AGAP1: variants seen among roughly 807,000 people sequenced by gnomAD.
AGAP1 encodes the protein ArfGAP with GTPase domain, ankyrin repeat and PH domain 1, also known as arf-GAP with GTPase, ANK repeat and PH domain-containing protein 1.
Under a neutral mutation model 105.3 loss-of-function variants are expected in AGAP1, and 29 were observed. The observed-to-expected ratio is 0.28, with a 90% CI of 0.21 to 0.38. AGAP1 has a LOEUF of 0.38. Among genes scored for constraint, AGAP1 ranks in the 10% least tolerant of loss-of-function variants. AGAP1 has a pLI of 1.00. For missense variants in AGAP1, 998 were observed against 1,165.1 expected (o/e 0.86, Z 2.09); for synonymous variants, 509 against 485.9 (o/e 1.05, Z -0.63).
At chr2:236,094,923 C>CAAAA (rs59126473) in intron 16 of AGAP1, among the ~76,000 whole-genome samples, 5 of 37,738 alleles carry the variant, frequency 1.3e-4, no homozygotes, top group African/African-American at 2.2e-4. Context: ...CCCATCTCTA[C>CAAAA]AAAAAAAAAA....
chr2:235,514,779 C>G (rs1942310609), intron 1 of AGAP1, among the ~76,000 whole-genome samples: 1 of 152,228 alleles, frequency 6.6e-6, no homozygotes, highest in Non-Finnish European at 1.5e-5. Context: ...GTGTCTCATC[C>G]AGGACTGGAC....
chr2:236,103,117 G>T (rs947553149), intron 16 of AGAP1, among the ~76,000 whole-genome samples: 1 of 151,192 alleles, frequency 6.6e-6, no homozygotes, highest in Non-Finnish European at 1.5e-5. Flanking sequence ...CCTGCACAGC[G>T]CCTCCTCCCT....
intron 3 of AGAP1, among the ~76,000 whole-genome samples, chr2:235,722,365 G>A (rs2675123): frequency 0.18 from 27,615 of 152,178 alleles, 3,347 homozygotes; most frequent in East Asian, 0.36. Context: ...TAATTAGTGC[G>A]TGAATATACT....
intron 1 of AGAP1, among the ~76,000 whole-genome samples, chr2:235,686,556 T>TATACACACACAC (rs550721460): frequency 1.8e-4 from 18 of 101,826 alleles, no homozygotes; most frequent in African/African-American, 7.4e-4. Flanking sequence ...GATATATATA[T>TATACACACACAC]ACACACACAC....
chr2:235,818,359 C>T (rs898864374), intron 9 of AGAP1, among the ~76,000 whole-genome samples: 3 of 152,178 alleles, frequency 2.0e-5, no homozygotes, highest in African/African-American at 2.4e-5. Context: ...TCCAGGAGTC[C>T]TCTCTGAAAC....
In AGAP1 at chr2:235,968,526, C is replaced by A. The variant is rs377419675; in HGVS notation, c.1548C>A (p.Leu516=). The part of the protein sequence containing the change: ...PSISSTTSPK[L]DPPPSPHANR... Reference sequence around the variant, plus strand: ...TCTCCAGCACCACCAGCCCCAAGCTCGACCCGCCCCCCTCCCCTCACGCCA... The same window carrying A: ...TCTCCAGCACCACCAGCCCCAAGCTAGACCCGCCCCCCTCCCCTCACGCCA... The change falls in exon 13 of 18, where the codon CTC becomes CTA. Residue 516 remains leucine (L), a synonymous_variant. Coordinates refer to ENST00000304032, the MANE Select transcript of AGAP1 (RefSeq NM_001037131.3). The A allele has an allele frequency of 2.9e-5, 45 of 1,544,966 alleles. No homozygotes were observed. The East Asian group carries it at 9.1e-4, about 31-fold the overall frequency.
chr2:235,819,882 C>CT (rs140417052), intron 9 of AGAP1, among the ~76,000 whole-genome samples: 2,524 of 140,568 alleles, frequency 0.018, 79 homozygotes, highest in African/African-American at 0.063. Context: ...TGTAAAATGG[C>CT]TTTTTTTTTT....
At position 235,830,595 on chromosome 2, in the gene AGAP1, C is replaced by T. The variant is rs1034646542; in HGVS notation, c.1050+23264C>T. 6.9e-6 allele frequency among the ~76,000 whole-genome samples: 1 copy of T among 144,518 alleles called. No individual in the cohort carries two copies. Among genetic ancestry groups the T allele is most frequent in the Admixed American group, 7.0e-5 (1 of 14,204 alleles). 94.8% of individuals were successfully genotyped at this position (144,518 alleles called of 152,430 possible). Reference sequence around the variant, plus strand: ...CACTCTTTGTGAGATACTTTGGGGGCTCAGGGGGCTTGGAGTTTATTTGTT... The same window carrying T: ...CACTCTTTGTGAGATACTTTGGGGGTTCAGGGGGCTTGGAGTTTATTTGTT... On this transcript the variant is annotated intron_variant, in intron 9 of 17. Coordinates refer to ENST00000304032, the MANE Select transcript of AGAP1 (RefSeq NM_001037131.3). The surrounding 1 kb of genome is among the most constrained non-coding windows in gnomAD (Gnocchi z 5.5).
chr2:235,678,968 C>T (rs1029059246), intron 1 of AGAP1, among the ~76,000 whole-genome samples: 8 of 152,200 alleles, frequency 5.3e-5, no homozygotes, highest in African/African-American at 1.9e-4. Context: ...GGTGGCTGGG[C>T]ATGATCTTAA....
intron 1 of AGAP1, among the ~76,000 whole-genome samples, chr2:235,657,601 C>T (rs1221141472): frequency 1.3e-5 from 2 of 152,100 alleles, no homozygotes; most frequent in Admixed American, 6.5e-5. Context: ...AGGCTGGTCT[C>T]GAACTCCTGA....
intron 13 of AGAP1, among the ~76,000 whole-genome samples, chr2:235,997,954 G>A (rs1225869836): frequency 6.6e-6 from 1 of 152,116 alleles, no homozygotes; most frequent in East Asian, 1.9e-4. Context: ...CCACAGTTTG[G>A]ATGCAGTTAG....
chr2:235,672,681 T>C (rs1017806728), intron 1 of AGAP1, among the ~76,000 whole-genome samples: 1 of 152,228 alleles, frequency 6.6e-6, no homozygotes, highest in African/African-American at 2.4e-5. Flanking sequence ...CTCTGTGGAC[T>C]TGGAAGAAAA....
At position 236,105,257 on chromosome 2, in the gene AGAP1, T is replaced by C. The variant is rs887152384; in HGVS notation, c.2115-14935T>C. ...CCAAAACATCCCACTTTAAGAACCCTGCATGCACACAGTCTTGCGTCAACT... is the reference window on the plus strand; with the variant it reads ...CCAAAACATCCCACTTTAAGAACCCCGCATGCACACAGTCTTGCGTCAACT... On this transcript the variant is annotated intron_variant, in intron 16 of 17. Transcript: ENST00000304032. The surrounding 1 kb of genome is among the most constrained non-coding windows in gnomAD (Gnocchi z 4.2). Among the ~76,000 whole-genome samples the C allele has an allele frequency of 2.6e-5, 4 of 152,076 alleles. No homozygotes were observed. Among genetic ancestry groups the C allele is most frequent in the African/African-American group, 9.7e-5 (4 of 41,406 alleles).
At chr2:236,084,225 G>GT (rs2058863236) in intron 16 of AGAP1, among the ~76,000 whole-genome samples, 1 of 150,324 alleles carries the variant, frequency 6.7e-6, no homozygotes, top group African/African-American at 2.5e-5. Flanking sequence ...CTGAAGGGCG[G>GT]GGGGGGGTCT....
rs565642323 is a variant in AGAP1, at chr2:235,996,253, G to A, written c.1645+27630G>A. Among the ~76,000 whole-genome samples, 6 of 152,302 alleles carry A rather than the reference G, an allele frequency of 3.9e-5. No homozygotes were observed. In the South Asian group the frequency reaches 1.2e-3, roughly 32 times the overall value. On this transcript the variant is annotated intron_variant, in intron 13 of 17. Coordinates refer to ENST00000304032, the MANE Select transcript of AGAP1 (RefSeq NM_001037131.3). ...CAAAGCTGCTGCCAGCAGGGCACCC[G>A]CTTGACACCTGCACCCAGGTGGAAA...
chr2:235,564,808 C>T (rs1944290925), intron 1 of AGAP1, among the ~76,000 whole-genome samples: 1 of 143,258 alleles, frequency 7.0e-6, no homozygotes, highest in African/African-American at 2.6e-5. Context: ...GGACCAGCAC[C>T]CACGGCCAGG....
rs1165093900 is a variant in AGAP1 at position 235,543,097 on chromosome 2, T to TCCC, written c.163+48257_163+48259dup. On this transcript the variant is annotated intron_variant, in intron 1 of 17. Coordinates refer to ENST00000304032, the MANE Select transcript of AGAP1 (RefSeq NM_001037131.3). ...CGACCCTGCTCCCGCCTCCTCCCCC[T>TCCC]CCCCCCCCCCCGCCCCCTGCCCCTC... Among the ~76,000 whole-genome samples the TCCC allele has an allele frequency of 1.7e-3, 111 of 66,662 alleles. 3 individuals carry two copies. The highest frequency in any genetic ancestry group is 9.3e-3 in the East Asian group (18 of 1,928). The allele number at this position is 66,662 out of a possible 152,430, so 43.7% of individuals were successfully genotyped here. A position where few individuals can be genotyped will look rare whatever the true frequency, so the allele number is the denominator to read the frequency against.
At position 236,032,537 on chromosome 2, in the gene AGAP1, C is replaced by G. The variant is rs137905264; in HGVS notation, c.1646-4024C>G. On this transcript the variant is annotated intron_variant, in intron 13 of 17. Coordinates refer to ENST00000304032, the MANE Select transcript of AGAP1 (RefSeq NM_001037131.3). ...CCATGGCCCCTGGCTGTTCCTTGAT[C>G]TGTAATCTTACAGAGTGAGGTTTCA... Among the ~76,000 whole-genome samples, 92 of 152,276 alleles carry G rather than the reference C, an allele frequency of 6.0e-4. 1 individual carries two copies. The Middle Eastern group carries it at 0.027, about 45-fold the overall frequency.
chr2:236,054,373 G>A (rs1559230900), intron 16 of AGAP1, among the ~76,000 whole-genome samples: 1 of 151,458 alleles, frequency 6.6e-6, no homozygotes, highest in African/African-American at 2.4e-5. Flanking sequence ...ACAGCCCCAG[G>A]ATTGTCTCAT....
Sources: gnomAD v4.1 joint callset for allele counts (sites outside exome capture counted in the v4.1 genomes callset) on GRCh38, gnomAD v4.1.1 for gene constraint, Gnocchi (gnomAD v3.1) non-coding constraint, MANE v1.5 for transcripts, NCBI Gene and HGNC (gene_info 2026-07-23, HGNC 2026-07-21) for gene names.